RPN2: variants seen among roughly 807,000 people sequenced by gnomAD.
RPN2 encodes the protein dolichyl-diphosphooligosaccharide--protein glycosyltransferase subunit 2.
In RPN2, 29 loss-of-function variants were observed where a neutral mutation model predicts 71.4. The observed-to-expected ratio is 0.41, with a 90% CI of 0.30 to 0.55. RPN2 has a LOEUF of 0.55. Among genes scored for constraint, RPN2 ranks in the 20% least tolerant of loss-of-function variants. The pLI is 0.35. For synonymous variants in RPN2, 308 were observed against 305.0 expected (o/e 1.01, Z -0.10); for missense variants, 726 against 774.1 (o/e 0.94, Z 0.74).
chr20:37,202,516 C>T (rs574171093), intron 4 of RPN2, among the ~76,000 whole-genome samples: 3 of 152,238 alleles, frequency 2.0e-5, no homozygotes, highest in Middle Eastern at 3.4e-3. Flanking sequence ...GGAAACCATT[C>T]GGGGTGGAAG....
Position 37,179,911 on chromosome 20 carries a change from C to T in RPN2, c.13+542C>T, listed in dbSNP as rs141694361. Among the ~76,000 whole-genome samples the T allele has an allele frequency of 2.1e-3, 326 of 152,290 alleles. 1 individual carries two copies. Among genetic ancestry groups the T allele is most frequent in the African/African-American group, 7.6e-3 (314 of 41,568 alleles). On this transcript the variant is annotated intron_variant, in intron 1 of 16. Transcript: ENST00000237530. ...TGTAACCCAAAGCAGGTTACTTAACCCCTCTACACCTCAGTTTCTCATCTG... is the reference window on the plus strand; with the variant it reads ...TGTAACCCAAAGCAGGTTACTTAACTCCTCTACACCTCAGTTTCTCATCTG...
chr20:37,197,615 A>AT (rs1486128353), intron 2 of RPN2, among the ~76,000 whole-genome samples: 3 of 151,864 alleles, frequency 2.0e-5, no homozygotes, highest in Non-Finnish European at 4.4e-5. Context: ...TTTTATTTTT[A>AT]TTTTTTTGGG....
intron 12 of RPN2, 64 bp from the exon 13 acceptor site, chr20:37,229,909 T>C (rs1485435401): frequency 8.9e-5 from 106 of 1,195,078 alleles, no homozygotes; most frequent in Admixed American, 3.5e-4. Context: ...CAGAGAATAT[T>C]ATCTATTGAG....
intron 6 of RPN2, among the ~76,000 whole-genome samples, chr20:37,205,778 C>T (rs1476106161): frequency 1.3e-5 from 2 of 152,112 alleles, no homozygotes; most frequent in East Asian, 3.8e-4. Flanking sequence ...CTTTTAATTT[C>T]TGTTATGGGT....
chr20:37,225,931 C>G, intron 11 of RPN2, 129 bp downstream of exon 11: 2 of 725,200 alleles, frequency 2.8e-6, no homozygotes, highest in Non-Finnish European at 5.0e-6. Flanking sequence ...CGAACCCTGA[C>G]AGTCCATCAG....
intron 16 of RPN2, among the ~76,000 whole-genome samples, chr20:37,239,260 C>T (rs1370869784): frequency 2.6e-5 from 4 of 152,224 alleles, no homozygotes; most frequent in African/African-American, 9.6e-5. Flanking sequence ...ACTGTATAAA[C>T]AAATGGGTGT....
intron 6 of RPN2, among the ~76,000 whole-genome samples, chr20:37,207,003 A>T (rs2067525608): frequency 6.6e-6 from 1 of 152,124 alleles, no homozygotes; most frequent in Non-Finnish European, 1.5e-5. Context: ...GAGCCACTGC[A>T]CCTGGCCTGT....
intron 1 of RPN2, among the ~76,000 whole-genome samples, chr20:37,180,105 C>T (rs1364165832): frequency 6.6e-6 from 1 of 152,176 alleles, no homozygotes. Flanking sequence ...TTTCATGTAG[C>T]CTCATCGTAA....
At chr20:37,185,237 T>A (rs1403800872) in intron 2 of RPN2, among the ~76,000 whole-genome samples, 2 of 151,010 alleles carry the variant, frequency 1.3e-5, no homozygotes, top group East Asian at 3.9e-4. Flanking sequence ...TCTCCTGGGC[T>A]CAAGCCATCC....
At chr20:37,192,796 G>T (rs1438473006) in intron 2 of RPN2, among the ~76,000 whole-genome samples, 2 of 152,110 alleles carry the variant, frequency 1.3e-5, no homozygotes, top group African/African-American at 2.4e-5. Context: ...ACTTTGATTT[G>T]CCAGGAAAGG....
chr20:37,229,504 G>T (rs2068176614), intron 12 of RPN2, among the ~76,000 whole-genome samples: 2 of 152,256 alleles, frequency 1.3e-5, no homozygotes, highest in African/African-American at 4.8e-5. Context: ...TTTGAATGGT[G>T]GTTGACTCAC....
intron 11 of RPN2, among the ~76,000 whole-genome samples, 184 bp from the exon 12 acceptor site, chr20:37,228,366 T>C (rs1445528733): frequency 1.3e-5 from 2 of 152,198 alleles, no homozygotes; most frequent in Admixed American, 6.5e-5. Context: ...CAAAAAGTTA[T>C]CTCTGAGCTG....
Position 37,199,037 on chromosome 20 carries a change from A to G in RPN2, c.304-13A>G, listed in dbSNP as rs1202499077. ...CCTGTTCTAAAACTCTGTGTCTGCC[A>G]ATTCTTTCTTAGATCTCTATTTCAA... On this transcript the variant is annotated splice_polypyrimidine_tract_variant and intron_variant, in intron 3 of 16. Coordinates refer to ENST00000237530, the MANE Select transcript of RPN2 (RefSeq NM_002951.5). 2 of 1,609,660 alleles carry G rather than the reference A, an allele frequency of 1.2e-6. No individual in the cohort carries two copies. Among genetic ancestry groups the G allele is most frequent in the Admixed American group, 3.3e-5 (2 of 60,020 alleles).
chr20:37,183,616 G>T (rs779622262), intron 1 of RPN2, among the ~76,000 whole-genome samples: 2 of 152,208 alleles, frequency 1.3e-5, no homozygotes, highest in African/African-American at 2.4e-5. Flanking sequence ...CTAATAAATG[G>T]CAGAGGTGTG....
chr20:37,225,822 A>C lies in RPN2; in HGVS notation c.1299+20A>C. On this transcript the variant is annotated intron_variant, in intron 11 of 16. Coordinates refer to ENST00000237530, the MANE Select transcript of RPN2 (RefSeq NM_002951.5). ...CACCAGGTCAGGAAGACACCTAGAC[A>C]GTTCTCTTAACCTGAAATGTGAATG... The C allele has an allele frequency of 6.7e-7, 1 of 1,499,084 alleles. No homozygotes were observed. Among genetic ancestry groups the C allele is most frequent in the Non-Finnish European group, 9.3e-7 (1 of 1,075,268 alleles). 92.9% of individuals were successfully genotyped at this position (1,499,084 alleles called of 1,614,324 possible).
chr20:37,233,220 TAAAAA>T (rs1269127154), intron 14 of RPN2, among the ~76,000 whole-genome samples: 1 of 151,832 alleles, frequency 6.6e-6, no homozygotes, highest in Non-Finnish European at 1.5e-5. Context: ...AAAAAAAAAA[TAAAAA>T]TAAGTTTTAA....
intron 1 of RPN2, among the ~76,000 whole-genome samples, chr20:37,182,979 C>A (rs2066919810): frequency 6.6e-6 from 1 of 152,068 alleles, no homozygotes; most frequent in South Asian, 2.1e-4. Context: ...TATTCAGTAA[C>A]TATGTGCCAG....
At position 37,207,337 on chromosome 20, in the gene RPN2, C is replaced by A. The variant is rs1156388581; in HGVS notation, c.755C>A (p.Ala252Asp). Reference sequence around the variant, plus strand: ...AAGAACTTTGAGTCCCTCTCCGAAGCCTTCAGCGTGGCCTCTGCAGCTGCT... The same window carrying A: ...AAGAACTTTGAGTCCCTCTCCGAAGACTTCAGCGTGGCCTCTGCAGCTGCT... ...SKKNFESLSE[A>D]FSVASAAAVL... Residue 252 changes from alanine to aspartate, a missense_variant, in exon 7 of 17, where the codon GCC (alanine) becomes GAC (aspartate). Ala to Asp is a moderately radical substitution (Grantham distance 126, BLOSUM62 -2). Coordinates refer to ENST00000237530, the MANE Select transcript of RPN2 (RefSeq NM_002951.5). The A allele has an allele frequency of 6.8e-6, 11 of 1,613,926 alleles. No homozygotes were observed. Among genetic ancestry groups the A allele is most frequent in the Non-Finnish European group, 9.3e-6 (11 of 1,179,860 alleles).
chr20:37,228,261 G>A (rs1025722853), intron 11 of RPN2, among the ~76,000 whole-genome samples: 1 of 152,210 alleles, frequency 6.6e-6, no homozygotes, highest in Admixed American at 6.5e-5. Context: ...TGCAGCAATA[G>A]CAAAGGGCTT....
Sources: allele counts gnomAD v4.1 joint callset (sites outside exome capture counted in the v4.1 genomes callset), GRCh38; gene constraint gnomAD v4.1.1; transcripts MANE v1.5; gene names NCBI Gene and HGNC (gene_info 2026-07-23, HGNC 2026-07-21).